The following THSD4 variants were observed in gnomAD, a reference collection of about 807,000 sequenced individuals.
THSD4 encodes the protein thrombospondin type 1 domain containing 4.
Under a neutral mutation model 119.0 loss-of-function variants are expected in THSD4, and 69 were observed. The observed-to-expected ratio is 0.58, with a 90% CI of 0.48 to 0.71. THSD4 has a LOEUF of 0.71. Among genes scored for constraint, THSD4 ranks in the 30% least tolerant of loss-of-function variants. THSD4 has a pLI of 0.00. For synonymous variants in THSD4, 524 were observed against 540.4 expected (o/e 0.97, Z 0.42); for missense variants, 1,393 against 1,391.1 (o/e 1.00, Z -0.02).
intron 7 of THSD4, among the ~76,000 whole-genome samples, chr15:71,477,932 G>A (rs971038318): frequency 6.8e-6 from 1 of 146,772 alleles, no homozygotes; most frequent in African/African-American, 2.5e-5. Flanking sequence ...GCAGAGCTGT[G>A]TGCCCAAATC....
At chr15:71,156,670 C>T (rs1364713307) in intron 3 of THSD4, among the ~76,000 whole-genome samples, 3 of 152,094 alleles carry the variant, frequency 2.0e-5, no homozygotes, top group Admixed American at 6.5e-5. Flanking sequence ...CAGTTCTTTG[C>T]GTTCTTATCT....
At chr15:71,525,104 G>T (rs2048500959) in intron 7 of THSD4, among the ~76,000 whole-genome samples, 1 of 151,730 alleles carries the variant, frequency 6.6e-6, no homozygotes, top group African/African-American at 2.4e-5. Context: ...ATTTCACAAT[G>T]AATAATAAAA....
chr15:71,556,544 G>A (rs894773144), intron 7 of THSD4, among the ~76,000 whole-genome samples: 22 of 152,162 alleles, frequency 1.4e-4, no homozygotes, highest in African/African-American at 5.1e-4. Flanking sequence ...GAGCCCAGGA[G>A]TTCGAGACCA....
intron 6 of THSD4, among the ~76,000 whole-genome samples, chr15:71,294,714 AAACG>A (rs2074959494): frequency 1.3e-5 from 2 of 152,144 alleles, no homozygotes; most frequent in African/African-American, 2.4e-5. Flanking sequence ...TCCAAGGCCC[AAACG>A]ATTACCAAAC....
intron 6 of THSD4, among the ~76,000 whole-genome samples, chr15:71,382,433 A>G (rs2046240374): frequency 6.6e-6 from 1 of 152,194 alleles, no homozygotes; most frequent in African/African-American, 2.4e-5. Flanking sequence ...ATTTTAGCCA[A>G]CTTGATCACA....
At chr15:71,681,598 CG>C (rs956936147) in intron 8 of THSD4, among the ~76,000 whole-genome samples, 2 of 145,632 alleles carry the variant, frequency 1.4e-5, no homozygotes, top group South Asian at 2.2e-4. Flanking sequence ...TCGATTGAAC[CG>C]GGGGGGTGGA....
chr15:71,374,423 T>C (rs2046103466), intron 6 of THSD4, among the ~76,000 whole-genome samples: 1 of 152,208 alleles, frequency 6.6e-6, no homozygotes, highest in Non-Finnish European at 1.5e-5. Flanking sequence ...CCATCTAAAG[T>C]GGCACATGAG....
At chr15:71,376,583 AAAC>A (rs2046139648) in intron 6 of THSD4, among the ~76,000 whole-genome samples, 3 of 152,148 alleles carry the variant, frequency 2.0e-5, no homozygotes, top group Non-Finnish European at 4.4e-5. Context: ...GCCCTGAGAA[AAAC>A]AAATCTTTCC....
chr15:71,223,912 G>A (rs1022541860), intron 4 of THSD4, among the ~76,000 whole-genome samples: 2 of 152,328 alleles, frequency 1.3e-5, no homozygotes, highest in South Asian at 4.1e-4. Flanking sequence ...GCTGGGGGAT[G>A]TGGTGGTTTG....
At position 71,215,174 on chromosome 15, in the gene THSD4, G is replaced by A. The variant is rs1294557374; in HGVS notation, c.239G>A (p.Cys80Tyr). 1 of 1,373,594 alleles carries A rather than the reference G, an allele frequency of 7.3e-7. No individual in the cohort carries two copies. Among genetic ancestry groups the A allele is most frequent in the Non-Finnish European group, 9.4e-7 (1 of 1,064,400 alleles). 85.1% of individuals were successfully genotyped at this position (1,373,594 alleles called of 1,614,324 possible). A position where few individuals can be genotyped will look rare whatever the true frequency, so the allele number is the denominator to read the frequency against. ...SGGVMEQTRPCLPRSYRLRGG... is the reference protein window; with the variant it reads ...SGGVMEQTRPYLPRSYRLRGG... ...GGCGTGATGGAGCAGACGCGGCCCT[G>A]CCTGCCCCGCTCCTACCGCCTGCGC... The change falls in exon 4 of 18, where the codon TGC becomes TAC. Residue 80 changes from cysteine (C) to tyrosine (Y), a missense_variant. Transcript: ENST00000261862.
At chr15:71,291,764 A>G (rs779271262) in intron 6 of THSD4, among the ~76,000 whole-genome samples, 20 of 152,298 alleles carry the variant, frequency 1.3e-4, no homozygotes, top group Non-Finnish European at 2.5e-4. Flanking sequence ...AATCACTGCA[A>G]TATCTTTCTG....
At chr15:71,249,460 C>G (rs756693259) in intron 5 of THSD4, among the ~76,000 whole-genome samples, 9 of 146,886 alleles carry the variant, frequency 6.1e-5, no homozygotes, top group Non-Finnish European at 1.2e-4. Context: ...GAATTGTTAA[C>G]AGTTGTCATT....
chr15:71,682,917 C>CCTTT (rs1276209516), intron 8 of THSD4, among the ~76,000 whole-genome samples: 1 of 44,594 alleles, frequency 2.2e-5, no homozygotes, highest in African/African-American at 1.1e-4. Context: ...TCTTCTTCTT[C>CCTTT]TTCTTTTTTT....
intron 15 of THSD4, among the ~76,000 whole-genome samples, chr15:71,758,302 T>A (rs1047785591): frequency 6.6e-6 from 1 of 152,252 alleles, no homozygotes; most frequent in Non-Finnish European, 1.5e-5. Flanking sequence ...GTTACATCAG[T>A]GAGCAACACA....
intron 15 of THSD4, among the ~76,000 whole-genome samples, chr15:71,759,540 A>G (rs1167427047): frequency 5.9e-5 from 9 of 152,140 alleles, no homozygotes; most frequent in Admixed American, 5.9e-4. Flanking sequence ...CTCTATGTTT[A>G]TTTTTTCTGC....
intron 2 of THSD4, among the ~76,000 whole-genome samples, chr15:71,145,523 A>G (rs1334879204): frequency 6.6e-6 from 1 of 152,176 alleles, no homozygotes; most frequent in Non-Finnish European, 1.5e-5. Flanking sequence ...TATTACTTTA[A>G]TGCCTGTCAG....
intron 4 of THSD4, among the ~76,000 whole-genome samples, chr15:71,222,536 G>C (rs972103282): frequency 1.3e-5 from 2 of 152,188 alleles, no homozygotes; most frequent in Non-Finnish European, 2.9e-5. Flanking sequence ...TGGGTGGCTG[G>C]GATATGAAAG....
At chr15:71,396,680 T>C (rs1297374183) in intron 6 of THSD4, among the ~76,000 whole-genome samples, 2 of 152,230 alleles carry the variant, frequency 1.3e-5, no homozygotes, top group Admixed American at 1.3e-4. Context: ...GTCAAGCCGC[T>C]TTCTTGACAG....
At chr15:71,140,911 T>C (rs1159819891) in intron 1 of THSD4, among the ~76,000 whole-genome samples, 1 of 152,240 alleles carries the variant, frequency 6.6e-6, no homozygotes, top group East Asian at 1.9e-4. Flanking sequence ...CTCTATAGAT[T>C]TGCCTATTCT....
Sources: allele counts gnomAD v4.1 joint callset (sites outside exome capture counted in the v4.1 genomes callset), GRCh38; gene constraint gnomAD v4.1.1; transcripts MANE v1.5; gene names NCBI Gene and HGNC (gene_info 2026-07-23, HGNC 2026-07-21).